TBC1D5: variants seen among roughly 807,000 people sequenced by gnomAD.
The protein encoded by TBC1D5 is TBC1 domain family, member 5.
A neutral mutation model predicts 100.3 loss-of-function variants in TBC1D5; 75 were observed. The ratio of observed to expected loss-of-function variants is 0.75; its 90% CI spans 0.62 to 0.91. TBC1D5 has a LOEUF of 0.91. Ranked by LOEUF, TBC1D5 falls within the 40% of genes least tolerant of loss-of-function variation. The pLI is 0.00. For missense variants in TBC1D5, 910 were observed against 942.4 expected (o/e 0.97, Z 0.45); for synonymous variants, 323 against 325.6 (o/e 0.99, Z 0.09).
At chr3:17,716,219 C>G (rs561691721) in intron 1 of TBC1D5, among the ~76,000 whole-genome samples, 1 of 152,172 alleles carries the variant, frequency 6.6e-6, no homozygotes, top group Admixed American at 6.5e-5. Context: ...GTAATAACCT[C>G]TTAAGAGGTC....
At chr3:17,741,800 A>ATTTTTTTTTTT (rs779385615), upstream of TBC1D5, among the ~76,000 whole-genome samples, 2 of 47,954 alleles carry the variant, frequency 4.2e-5, no homozygotes, top group Non-Finnish European at 7.4e-5. Context: ...CTCCCTGCGA[A>ATTTTTTTTTTT]TTTTTTTTTT....
chr3:17,336,560 T>C (rs1174304347), intron 13 of TBC1D5, among the ~76,000 whole-genome samples: 2 of 151,970 alleles, frequency 1.3e-5, no homozygotes. Context: ...CCAGCCATCA[T>C]AAGAAAGAAA....
intron 2 of TBC1D5, among the ~76,000 whole-genome samples, chr3:17,509,120 T>A (rs938974280): frequency 6.6e-6 from 1 of 152,022 alleles, no homozygotes; most frequent in East Asian, 1.9e-4. Context: ...GTAAACATAC[T>A]GATTATGTAA....
chr3:17,247,488 G>A (rs573189370), intron 16 of TBC1D5, among the ~76,000 whole-genome samples: 7 of 152,278 alleles, frequency 4.6e-5, no homozygotes, highest in African/African-American at 1.4e-4. Flanking sequence ...GATCATCTGA[G>A]CCTTTAGTGA....
At chr3:17,520,162 T>C (rs1259517257) in intron 2 of TBC1D5, among the ~76,000 whole-genome samples, 2 of 152,210 alleles carry the variant, frequency 1.3e-5, no homozygotes, top group African/African-American at 4.8e-5. Flanking sequence ...CATAAAATTA[T>C]ACAGAATGAT....
chr3:17,515,418 C>A (rs955545898), intron 2 of TBC1D5, among the ~76,000 whole-genome samples: 4 of 152,168 alleles, frequency 2.6e-5, no homozygotes, highest in Non-Finnish European at 5.9e-5. Context: ...CAGCAGCAAA[C>A]ACATAGCACT....
chr3:17,519,298 G>C (rs1001078969), intron 2 of TBC1D5, among the ~76,000 whole-genome samples: 1 of 152,132 alleles, frequency 6.6e-6, no homozygotes, highest in Non-Finnish European at 1.5e-5. Context: ...TTAAGTAAAG[G>C]AGGGCACCAT....
At chr3:17,632,729 C>T (rs2063598740) in intron 1 of TBC1D5, among the ~76,000 whole-genome samples, 1 of 152,182 alleles carries the variant, frequency 6.6e-6, no homozygotes, top group Admixed American at 6.5e-5. Flanking sequence ...TGATCGTTCA[C>T]ATTTTTTAGC....
At chr3:17,180,664 CCA>C (rs1320607018) in intron 19 of TBC1D5, among the ~76,000 whole-genome samples, 1 of 152,038 alleles carries the variant, frequency 6.6e-6, no homozygotes, top group African/African-American at 2.4e-5. Flanking sequence ...CTAAGTGAAA[CCA>C]CTCAGAAATA....
rs554028429 is a variant in TBC1D5 at position 17,446,699 on chromosome 3, C to T, written c.98-18180G>A. On this transcript the variant is annotated intron_variant, in intron 3 of 21. Transcript: ENST00000253692. Reference sequence around the variant, plus strand: ...TTTAAAGACCACATTGGGCCGGGCGCGGTGGCTCGCGCCTGTAATCCCAGC... The same window carrying T: ...TTTAAAGACCACATTGGGCCGGGCGTGGTGGCTCGCGCCTGTAATCCCAGC... Among the ~76,000 whole-genome samples the T allele has an allele frequency of 5.9e-5, 9 of 152,302 alleles. No homozygotes were observed. In the East Asian group the frequency reaches 1.7e-3, roughly 29 times the overall value.
At chr3:17,601,775 G>T (rs1452415549) in intron 2 of TBC1D5, among the ~76,000 whole-genome samples, 2 of 152,142 alleles carry the variant, frequency 1.3e-5, no homozygotes, top group African/African-American at 4.8e-5. Context: ...AAGAAATGTA[G>T]GCATTGTTAA....
At chr3:17,374,654 G>T (rs777714978) in exon 11 of TBC1D5, 1 of 1,610,694 alleles carries the variant, frequency 6.2e-7, no homozygotes, top group South Asian at 1.1e-5. Context: ...AGATACTCAG[G>T]GTTCAAGACA....
chr3:17,687,394 G>A (rs2070458932), intron 1 of TBC1D5, among the ~76,000 whole-genome samples: 1 of 152,030 alleles, frequency 6.6e-6, no homozygotes, highest in Non-Finnish European at 1.5e-5. Context: ...TATTTGACCT[G>A]TTATATTATC....
chr3:17,249,976 A>G (rs2077052737), intron 16 of TBC1D5, among the ~76,000 whole-genome samples: 1 of 152,242 alleles, frequency 6.6e-6, no homozygotes, highest in Non-Finnish European at 1.5e-5. Flanking sequence ...TGCTAGAATT[A>G]CCAAAATATG....
exon 18 of TBC1D5, chr3:17,214,239 A>G (rs780577438): frequency 6.8e-6 from 11 of 1,613,258 alleles, no homozygotes; most frequent in Admixed American, 6.7e-5. Context: ...TTGCTGTGTG[A>G]GCGAGAACGT....
intron 3 of TBC1D5, among the ~76,000 whole-genome samples, chr3:17,502,354 G>C (rs1303202926): frequency 6.7e-6 from 1 of 149,528 alleles, no homozygotes; most frequent in Non-Finnish European, 1.5e-5. Flanking sequence ...AGTAATCTCT[G>C]GCAGTTTTGC....
chr3:17,728,944 T>C (rs543569997), intron 1 of TBC1D5, among the ~76,000 whole-genome samples: 66 of 143,686 alleles, frequency 4.6e-4, no homozygotes, highest in African/African-American at 1.6e-3. Flanking sequence ...TTAAAAACAA[T>C]GTTGGGAATA....
intron 5 of TBC1D5, among the ~76,000 whole-genome samples, chr3:17,405,624 A>G (rs1226072744): frequency 6.6e-6 from 1 of 152,068 alleles, no homozygotes; most frequent in Non-Finnish European, 1.5e-5. Context: ...TTGTATACAA[A>G]TACTCTAGCA....
At chr3:17,214,156 C>A (rs1220968055) in intron 18 of TBC1D5, 51 bp downstream of exon 19, 1 of 1,573,444 alleles carries the variant, frequency 6.4e-7, no homozygotes, top group Non-Finnish European at 8.6e-7. Context: ...AAATGCAGCA[C>A]TCTAGAGAAG....
Sources: gnomAD v4.1 joint callset for allele counts (sites outside exome capture counted in the v4.1 genomes callset) on GRCh38, gnomAD v4.1.1 for gene constraint, MANE v1.5 for transcripts, NCBI Gene and HGNC (gene_info 2026-07-23, HGNC 2026-07-21) for gene names.